SQOR: variants seen among roughly 807,000 people sequenced by gnomAD.
SQOR encodes the protein sulfide:quinone oxidoreductase, mitochondrial.
A neutral mutation model predicts 48.6 loss-of-function variants in SQOR; 39 were observed. The ratio of observed to expected loss-of-function variants is 0.80; its 90% CI spans 0.62 to 1.05. SQOR has a LOEUF of 1.05. SQOR is among the 50% of genes least tolerant of loss of function. The probability of loss-of-function intolerance (pLI) is 0.00; values close to 1 mark genes in which losing one functional copy is unlikely to be tolerated. For missense variants in SQOR, 561 were observed against 559.9 expected (o/e 1.00, Z -0.02); for synonymous variants, 220 against 206.2 (o/e 1.07, Z -0.57).
In SQOR at chr15:45,659,165, T is replaced by C. The variant is rs1275856461; in HGVS notation, c.234+8T>C. ...ATTGTTGAGCCCAGTGAGGTAAGCCTCCCCTTTTGAGGGCCTGGGTGTGTG... is the reference window on the plus strand; with the variant it reads ...ATTGTTGAGCCCAGTGAGGTAAGCCCCCCCTTTTGAGGGCCTGGGTGTGTG... On this transcript the variant is annotated splice_region_variant and intron_variant, in intron 2 of 9. Coordinates refer to ENST00000260324, the MANE Select transcript of SQOR (RefSeq NM_021199.4). 3 of 1,506,860 alleles carry C rather than the reference T, an allele frequency of 2.0e-6. No homozygotes were observed. Among genetic ancestry groups the C allele is most frequent in the Admixed American group, 2.1e-5 (1 of 47,556 alleles). The allele number at this position is 1,506,860 out of a possible 1,614,324, so 93.3% of individuals were successfully genotyped here.
rs546368203 is a variant in SQOR at position 45,683,391 on chromosome 15, A to C, written c.1048+730A>C. 1.8e-4 allele frequency among the ~76,000 whole-genome samples: 27 copies of C among 152,372 alleles called. No individual in the cohort carries two copies. The South Asian group carries it at 4.4e-3, about 25-fold the overall frequency. Reference sequence around the variant, plus strand: ...TGCAGACCAGAAAATTGTCCTGTTAAGACAAATACAGTGGAGCATGCCCTG... The same window carrying C: ...TGCAGACCAGAAAATTGTCCTGTTACGACAAATACAGTGGAGCATGCCCTG... On this transcript the variant is annotated intron_variant, in intron 7 of 9. Transcript: ENST00000260324.
At chr15:45,690,941 G>C in intron 9 of SQOR, 32 bp from the exon 10 acceptor site, 2 of 1,608,068 alleles carry the variant, frequency 1.2e-6, no homozygotes, top group Non-Finnish European at 1.7e-6. Flanking sequence ...CTCTCTTGCT[G>C]CAGGTACATT....
intron 1 of SQOR, among the ~76,000 whole-genome samples, chr15:45,650,186 C>A (rs866759362): frequency 6.6e-6 from 1 of 152,140 alleles, no homozygotes; most frequent in Admixed American, 6.6e-5. Context: ...GTCGCCCAGG[C>A]TAGAGTGCAA....
intron 7 of SQOR, among the ~76,000 whole-genome samples, chr15:45,683,926 G>A (rs1890174105): frequency 1.3e-5 from 2 of 151,196 alleles, no homozygotes; most frequent in Non-Finnish European, 2.9e-5. Context: ...GTTTTTTGGT[G>A]GGGGGACAGA....
intron 6 of SQOR, among the ~76,000 whole-genome samples, chr15:45,680,888 C>G (rs1023707543): frequency 6.6e-6 from 1 of 152,010 alleles, no homozygotes; most frequent in Non-Finnish European, 1.5e-5. Context: ...CGAGATGACT[C>G]TAGTAAGGTT....
chr15:45,654,407 A>G (rs567444674), intron 1 of SQOR, among the ~76,000 whole-genome samples: 1 of 152,356 alleles, frequency 6.6e-6, no homozygotes, highest in East Asian at 1.9e-4. Flanking sequence ...AAAGGCCAGG[A>G]CATTCTGCTT....
intron 1 of SQOR, among the ~76,000 whole-genome samples, chr15:45,645,549 C>T (rs947442764): frequency 1.3e-5 from 2 of 152,172 alleles, no homozygotes; most frequent in Non-Finnish European, 2.9e-5. Flanking sequence ...AACAAAAAGG[C>T]GAACACTCCC....
intron 1 of SQOR, among the ~76,000 whole-genome samples, chr15:45,649,236 T>C (rs1489978586): frequency 6.6e-6 from 1 of 152,156 alleles, no homozygotes; most frequent in Non-Finnish European, 1.5e-5. Context: ...TAGGGGCCAG[T>C]GATGGAAGTA....
intron 3 of SQOR, among the ~76,000 whole-genome samples, chr15:45,663,167 A>G (rs1889751455): frequency 6.6e-6 from 1 of 152,086 alleles, no homozygotes; most frequent in African/African-American, 2.4e-5. Flanking sequence ...ACAGGTGCGC[A>G]TCACCATGCC....
chr15:45,658,871 A>T, intron 1 of SQOR, 36 bp from the exon 2 acceptor site: 1 of 1,423,610 alleles, frequency 7.0e-7, no homozygotes, highest in Non-Finnish European at 9.3e-7. Context: ...GATGGTTTCT[A>T]CCTTGGCACT....
intron 7 of SQOR, among the ~76,000 whole-genome samples, chr15:45,683,898 T>TTGTG (rs1432230743): frequency 1.4e-5 from 2 of 139,316 alleles, no homozygotes; most frequent in African/African-American, 5.0e-5. Flanking sequence ...ATATTTTTGT[T>TTGTG]TGTTTGTTTG....
Position 45,659,075 on chromosome 15 carries a change from G to A in SQOR, c.152G>A (p.Gly51Glu). The part of the protein sequence containing the change: ...RNHYEVLVLG[G>E]GSGGITMAAR... ...CATTATGAGGTGCTGGTGCTGGGTG[G>A]GGGCAGTGGCGGAATCACCATGGCT... The change falls in exon 2 of 10, where the codon GGG (glycine) becomes GAG (glutamate). Residue 51 changes from glycine to glutamate, a missense_variant. Gly to Glu is a moderately conservative substitution (Grantham distance 98, BLOSUM62 -2). Coordinates refer to ENST00000260324, the MANE Select transcript of SQOR (RefSeq NM_021199.4). 13 of 1,594,898 alleles carry A rather than the reference G, an allele frequency of 8.2e-6. No individual in the cohort carries two copies. Among genetic ancestry groups the A allele is most frequent in the South Asian group, 3.4e-5 (3 of 88,032 alleles).
rs185577067 is a variant in SQOR, at chr15:45,641,516, T to C, written c.-18+6408T>C. Among the ~76,000 whole-genome samples, 362 of 152,358 alleles carry C rather than the reference T, an allele frequency of 2.4e-3. 2 individuals are homozygous for C. Among genetic ancestry groups the C allele is most frequent in the Admixed American group, 6.1e-3 (94 of 15,314 alleles). On this transcript the variant is annotated intron_variant, in intron 1 of 9. Transcript: ENST00000260324. ...CACAGCTTAATATTTAAACAAATGT[T>C]TGGATTTATAACAGCTCCAGAGGGA... is the stretch of plus-strand genomic sequence containing the variant.
chr15:45,658,215 C>T (rs940432430), intron 1 of SQOR, among the ~76,000 whole-genome samples: 12 of 152,150 alleles, frequency 7.9e-5, no homozygotes, highest in African/African-American at 2.7e-4. Flanking sequence ...AGGCAGGGCT[C>T]CTTTTATGGC....
At chr15:45,660,485 T>C (rs1482032648) in intron 2 of SQOR, among the ~76,000 whole-genome samples, 1 of 152,170 alleles carries the variant, frequency 6.6e-6, no homozygotes, top group Non-Finnish European at 1.5e-5. Flanking sequence ...GGCTTCTCTT[T>C]GTAAGGAGAC....
At chr15:45,681,612 T>A (rs1055347229) in intron 6 of SQOR, among the ~76,000 whole-genome samples, 1 of 152,194 alleles carries the variant, frequency 6.6e-6, no homozygotes, top group African/African-American at 2.4e-5. Flanking sequence ...CCTAATGACA[T>A]GTCGTGAACA....
intron 6 of SQOR, among the ~76,000 whole-genome samples, chr15:45,677,053 A>C (rs181309633): frequency 6.6e-6 from 1 of 152,022 alleles, no homozygotes; most frequent in Non-Finnish European, 1.5e-5. Flanking sequence ...AAAAAAAAAA[A>C]AAAGAAATAA....
Position 45,676,315 on chromosome 15 carries a change from G to GTGGTGA in SQOR, c.864+6_864+11dup. 2 of 1,613,838 alleles carry GTGGTGA rather than the reference G, an allele frequency of 1.2e-6. No individual in the cohort carries two copies. The highest frequency in any genetic ancestry group is 1.7e-6 in the Non-Finnish European group (2 of 1,179,844). Reference sequence around the variant, plus strand: ...GGAGAGACCCAAGTGATTTCAGTGAGTGGTGAGGCTAAGCTGTCAGCATGA... The same window carrying GTGGTGA: ...GGAGAGACCCAAGTGATTTCAGTGAGTGGTGATGGTGAGGCTAAGCTGTCAGCATGA... On this transcript the variant is annotated splice_donor_region_variant and intron_variant, in intron 6 of 9. Transcript: ENST00000260324.
chr15:45,690,240 AT>A (rs1890299462), intron 9 of SQOR, among the ~76,000 whole-genome samples: 1 of 151,740 alleles, frequency 6.6e-6, no homozygotes, highest in African/African-American at 2.4e-5. Context: ...TAATTTTTGT[AT>A]TTTTAGTAGA....
Sources: allele counts gnomAD v4.1 joint callset (sites outside exome capture counted in the v4.1 genomes callset), GRCh38; gene constraint gnomAD v4.1.1; transcripts MANE v1.5; gene names NCBI Gene and HGNC (gene_info 2026-07-23, HGNC 2026-07-21).